Variants in PXDNL observed in about 807,000 individuals in gnomAD.
The protein encoded by PXDNL is peroxidasin like.
PXDNL carries 145 observed loss-of-function variants against 150.8 expected under a neutral mutation model. The observed-to-expected ratio is 0.96, with a 90% CI of 0.84 to 1.10. PXDNL has a LOEUF of 1.10. PXDNL is among the 50% of genes least tolerant of loss of function. The pLI is 0.00. For missense variants in PXDNL, 2,087 were observed against 1,873.9 expected, an observed-to-expected ratio of 1.11 and a Z score of -2.10; for synonymous variants, 757 against 725.7, an observed-to-expected ratio of 1.04 and a Z score of -0.69.
At chr8:51,682,421 C>A (rs1429326272) in intron 1 of PXDNL, among the ~76,000 whole-genome samples, 1 of 152,154 alleles carries the variant, frequency 6.6e-6, no homozygotes. Context: ...TGCTGAGGAA[C>A]TCTTTGAAGG....
intron 1 of PXDNL, among the ~76,000 whole-genome samples, chr8:51,704,011 A>G (rs1816311286): frequency 6.6e-6 from 1 of 152,212 alleles, no homozygotes; most frequent in Admixed American, 6.5e-5. Flanking sequence ...ACGTACTACA[A>G]ATATGCATGT....
At chr8:51,537,332 A>G (rs1324397226) in intron 4 of PXDNL, among the ~76,000 whole-genome samples, 2 of 152,230 alleles carry the variant, frequency 1.3e-5, no homozygotes, top group African/African-American at 4.8e-5. Context: ...AAAAGTTTTC[A>G]CTAATCTCCA....
intron 19 of PXDNL, among the ~76,000 whole-genome samples, chr8:51,357,058 C>T (rs1806531795): frequency 6.6e-6 from 1 of 152,160 alleles, no homozygotes; most frequent in Admixed American, 6.5e-5. Context: ...ATAATTTGGA[C>T]ACTGTCAATG....
chr8:51,443,159 A>G (rs1809593193), intron 12 of PXDNL, among the ~76,000 whole-genome samples: 1 of 152,136 alleles, frequency 6.6e-6, no homozygotes, highest in South Asian at 2.1e-4. Context: ...AATTTTCATT[A>G]GTTACATTTT....
intron 4 of PXDNL, among the ~76,000 whole-genome samples, chr8:51,516,546 T>C (rs184228087): frequency 1.1e-3 from 160 of 152,358 alleles, no homozygotes; most frequent in African/African-American, 3.5e-3. Flanking sequence ...CGCTTTATTT[T>C]ACTTTAAATC....
intron 12 of PXDNL, among the ~76,000 whole-genome samples, chr8:51,440,949 C>T (rs1433593269): frequency 6.6e-6 from 1 of 152,098 alleles, no homozygotes; most frequent in Non-Finnish European, 1.5e-5. Context: ...AGAGAGGGAC[C>T]CATGTTTTTG....
chr8:51,575,139 G>A (rs1813022712), intron 3 of PXDNL, among the ~76,000 whole-genome samples: 1 of 151,922 alleles, frequency 6.6e-6, no homozygotes, highest in Non-Finnish European at 1.5e-5. Context: ...AGGGTAAAGG[G>A]ACTTAAGAGG....
chr8:51,612,622 C>T (rs1234081747), intron 2 of PXDNL, among the ~76,000 whole-genome samples: 1 of 152,070 alleles, frequency 6.6e-6, no homozygotes, highest in African/African-American at 2.4e-5. Context: ...GGAGGAGCTC[C>T]CTTTAATGGG....
chr8:51,606,924 T>C (rs1031279638), intron 2 of PXDNL, among the ~76,000 whole-genome samples: 15 of 152,196 alleles, frequency 9.9e-5, no homozygotes, highest in African/African-American at 3.4e-4. Flanking sequence ...TTGGACAGCA[T>C]AGTTCTTTTG....
intron 5 of PXDNL, among the ~76,000 whole-genome samples, chr8:51,490,553 A>G (rs1453755406): frequency 2.0e-5 from 3 of 151,564 alleles, no homozygotes; most frequent in African/African-American, 7.3e-5. Context: ...TAGAAGGTCA[A>G]TTACATACCA....
At chr8:51,492,711 G>T (rs1026847612) in intron 5 of PXDNL, among the ~76,000 whole-genome samples, 8 of 152,150 alleles carry the variant, frequency 5.3e-5, no homozygotes, top group African/African-American at 1.9e-4. Flanking sequence ...AGATCAAACT[G>T]CAAGGAGGTA....
intron 1 of PXDNL, among the ~76,000 whole-genome samples, chr8:51,780,022 G>A (rs1411630588): frequency 1.3e-5 from 2 of 152,100 alleles, no homozygotes; most frequent in African/African-American, 2.4e-5. Flanking sequence ...GACCAGCCTG[G>A]CCATCATGGG....
intron 3 of PXDNL, among the ~76,000 whole-genome samples, chr8:51,584,540 A>T (rs1414829114): frequency 6.6e-6 from 1 of 152,206 alleles, no homozygotes; most frequent in Admixed American, 6.5e-5. Flanking sequence ...ATAACATAGT[A>T]GGTAAAAATA....
At chr8:51,529,478 T>C (rs1811843272) in intron 4 of PXDNL, among the ~76,000 whole-genome samples, 1 of 152,196 alleles carries the variant, frequency 6.6e-6, no homozygotes, top group South Asian at 2.1e-4. Flanking sequence ...CCCTAGGACC[T>C]TGTAATTTCA....
At chr8:51,713,341 C>CTTTAAA (rs1816538568) in intron 1 of PXDNL, among the ~76,000 whole-genome samples, 1 of 152,210 alleles carries the variant, frequency 6.6e-6, no homozygotes, top group Admixed American at 6.5e-5. Flanking sequence ...AATAAAGGAA[C>CTTTAAA]TTTAAATTCC....
intron 3 of PXDNL, among the ~76,000 whole-genome samples, chr8:51,578,003 A>AAAGAAAGAAAGAAAG (rs1813116462): frequency 1.6e-5 from 1 of 62,854 alleles, no homozygotes; most frequent in Non-Finnish European, 3.2e-5. Context: ...AAGAAAGAGG[A>AAAGAAAGAAAGAAAG]AGGAAGGAAG....
At position 51,436,264 on chromosome 8, in the gene PXDNL, T is replaced by C. The variant is rs1257728281; in HGVS notation, c.1526-9506A>G. Reference sequence around the variant, plus strand: ...TAATAGGATATGGTTTCAGAAGTTTTATATCATAGAAGAAGGTGTTGCTCT... The same window carrying C: ...TAATAGGATATGGTTTCAGAAGTTTCATATCATAGAAGAAGGTGTTGCTCT... On this transcript the variant is annotated intron_variant, in intron 12 of 22. Coordinates refer to ENST00000356297, the MANE Select transcript of PXDNL (RefSeq NM_144651.5). 1.8e-5 allele frequency: 9 copies of C among 505,604 alleles called. No individual in the cohort carries two copies. In the East Asian group the frequency reaches 3.8e-4, roughly 22 times the overall value. 31.3% of individuals were successfully genotyped at this position (505,604 alleles called of 1,614,324 possible). A position where few individuals can be genotyped will look rare whatever the true frequency, so the allele number is the denominator to read the frequency against.
chr8:51,669,304 C>A (rs1418221647), intron 1 of PXDNL, among the ~76,000 whole-genome samples: 1 of 152,126 alleles, frequency 6.6e-6, no homozygotes, highest in African/African-American at 2.4e-5. Context: ...TCCATTAGAG[C>A]ACATTATTTA....
intron 20 of PXDNL, among the ~76,000 whole-genome samples, chr8:51,345,404 T>G (rs765922103): frequency 4.6e-5 from 7 of 152,200 alleles, no homozygotes; most frequent in Non-Finnish European, 2.9e-5. Flanking sequence ...TATTCCATCT[T>G]GGTCACAAAT....
Sources: allele counts gnomAD v4.1 joint callset (sites outside exome capture counted in the v4.1 genomes callset), GRCh38; gene constraint gnomAD v4.1.1; transcripts MANE v1.5; gene names NCBI Gene and HGNC (gene_info 2026-07-23, HGNC 2026-07-21).